The following NPHP3 variants were observed in gnomAD, a reference collection of about 807,000 sequenced individuals.
NPHP3 encodes nephrocystin-3.
Under a neutral mutation model 171.9 loss-of-function variants are expected in NPHP3, and 123 were observed. The observed-to-expected ratio is 0.72, with a 90% CI of 0.62 to 0.83. The LOEUF (loss-of-function observed/expected upper bound fraction) is 0.83, where lower values mean the gene tolerates loss of function less well. NPHP3 is among the 40% of genes least tolerant of loss of function. The pLI, the probability that NPHP3 is intolerant of heterozygous loss-of-function variation, is 0.00. For missense variants in NPHP3, 1,506 were observed against 1,591.9 expected (o/e 0.95, Z 0.92); for synonymous variants, 558 against 579.2 (o/e 0.96, Z 0.52).
rs2271490 is a variant in NPHP3, at chr3:132,691,370, T to C, written c.2476-84A>G. The C allele has an allele frequency of 0.12, 106,622 of 911,810 alleles. 6,790 individuals carry two copies. The highest frequency in any genetic ancestry group is 0.16 in the Middle Eastern group (735 of 4,670). The allele number at this position is 911,810 out of a possible 1,614,324, so 56.5% of individuals were successfully genotyped here. On this transcript the variant is annotated intron_variant, in intron 17 of 26. Transcript: ENST00000337331. ...CAAGAGATTTGCAAAAAAGAATTTA[T>C]AATTATTCCTATTTTATAGCTGTAT...
In NPHP3 at chr3:132,682,808, A is replaced by C; in HGVS notation, c.3707T>G (p.Val1236Gly). ...AVLYSQMKKHVEALPLYERAL... is the reference protein window; with the variant it reads ...AVLYSQMKKHGEALPLYERAL... ...TCTTTCATATAATGGCAAAGCTTCA[A>C]CGTGTTTTTTCTTATTAAAAAAAAT... The change falls in exon 26 of 27, where the codon GTT becomes GGT. Residue 1236 changes from valine (V) to glycine (G), a missense_variant. This residue lies in a region of NPHP3 where 569 missense variants were observed against 648.1 expected (regional missense o/e 0.88). Coordinates refer to ENST00000337331, the MANE Select transcript of NPHP3 (RefSeq NM_153240.5). 2 of 1,606,976 alleles carry C rather than the reference A, an allele frequency of 1.2e-6. No individual in the cohort carries two copies. The highest frequency in any genetic ancestry group is 1.7e-6 in the Non-Finnish European group (2 of 1,173,542).
chr3:132,719,749 C>T lies in NPHP3; in HGVS notation c.475G>A (p.Ala159Thr). 1 of 1,588,364 alleles carries T rather than the reference C, an allele frequency of 6.3e-7. No individual in the cohort carries two copies. Among genetic ancestry groups the T allele is most frequent in the South Asian group, 1.2e-5 (1 of 86,422 alleles). ...TTATCTCTGTCATGTTCAAATGTTGCTGCTCTCTCCATTGCTTGGTATTTC... is the reference window on the plus strand; with the variant it reads ...TTATCTCTGTCATGTTCAAATGTTGTTGCTCTCTCCATTGCTTGGTATTTC... ...EAKYQAMERA[A>T]TFEHDRDKVK... Residue 159 changes from alanine (A) to threonine (T), a missense_variant, in exon 2 of 27, where the codon GCA becomes ACA. Ala to Thr is a moderately conservative substitution (Grantham distance 58). Coordinates refer to ENST00000337331, the MANE Select transcript of NPHP3 (RefSeq NM_153240.5).
chr3:132,708,367 G>T, intron 6 of NPHP3, 110 bp from the exon 7 acceptor site: 1 of 1,047,104 alleles, frequency 9.6e-7, no homozygotes, highest in Non-Finnish European at 1.5e-6. Flanking sequence ...CAAGTGGCCA[G>T]AAAAGGTCCA....
In NPHP3 at chr3:132,698,254, C is replaced by T. The variant is rs547082763; in HGVS notation, c.1986-892G>A. ...TCGGCCTCCCAAAGTGTTGGGATTACAGGCATGAGCCACTGCGCCCAGCCA... is the reference window on the plus strand; with the variant it reads ...TCGGCCTCCCAAAGTGTTGGGATTATAGGCATGAGCCACTGCGCCCAGCCA... On this transcript the variant is annotated intron_variant, in intron 13 of 26. Coordinates refer to ENST00000337331, the MANE Select transcript of NPHP3 (RefSeq NM_153240.5). 2.6e-3 allele frequency among the ~76,000 whole-genome samples: 393 copies of T among 152,168 alleles called. 3 individuals carry two copies. Among genetic ancestry groups the T allele is most frequent in the African/African-American group, 8.9e-3 (371 of 41,488 alleles).
rs780534257 is a variant in NPHP3, at chr3:132,686,383, C to G, written c.3206G>C (p.Gly1069Ala). 1.9e-6 allele frequency: 3 copies of G among 1,613,896 alleles called. No homozygotes were observed. Among genetic ancestry groups the G allele is most frequent in the Non-Finnish European group, 2.5e-6 (3 of 1,179,978 alleles). ...KAIKKKGNLY[G>A]FALLRRRALQ... Reference sequence around the variant, plus strand: ...AGCCCGTCTACGTAAAAGGGCAAATCCGTACTGCAGCAAACATGAAAAATG... The same window carrying G: ...AGCCCGTCTACGTAAAAGGGCAAATGCGTACTGCAGCAAACATGAAAAATG... Residue 1069 changes from glycine (G) to alanine (A), a missense_variant, in exon 23 of 27, where the codon GGA (glycine) becomes GCA (alanine). Physicochemically the swap from Gly to Ala is moderately conservative, Grantham distance 60. Transcript: ENST00000337331.
intron 24 of NPHP3, among the ~76,000 whole-genome samples, chr3:132,683,764 T>C (rs1939090822): frequency 6.6e-6 from 1 of 152,228 alleles, no homozygotes; most frequent in South Asian, 2.1e-4. Flanking sequence ...TATTACTGTT[T>C]CTAGTGTAGT....
At chr3:132,700,142 A>C in intron 11 of NPHP3, 81 bp from the exon 12 acceptor site, 2 of 1,528,178 alleles carry the variant, frequency 1.3e-6, no homozygotes, top group South Asian at 2.3e-5. Context: ...AAATATTTCT[A>C]TTCTTACTTT....
intron 8 of NPHP3, among the ~76,000 whole-genome samples, chr3:132,704,719 C>T (rs796205847): frequency 9.9e-5 from 15 of 152,032 alleles, no homozygotes; most frequent in African/African-American, 3.6e-4. Flanking sequence ...AGGAAATATG[C>T]TATAAGAATT....
intron 5 of NPHP3, among the ~76,000 whole-genome samples, chr3:132,713,589 G>C (rs1423941430): frequency 1.3e-5 from 2 of 151,996 alleles, no homozygotes; most frequent in Non-Finnish European, 2.9e-5. Context: ...GTTTCTTTTT[G>C]TTATTATTAC....
At position 132,684,407 on chromosome 3, in the gene NPHP3, G is replaced by A. The variant is rs546867921; in HGVS notation, c.3570+147C>T. ...TAAAATAATTATTTTTAAATGTTCT[G>A]CTCAGTTACTTGTTAAAAGTTAAAT... On this transcript the variant is annotated intron_variant, in intron 24 of 26. Transcript: ENST00000337331. 23 of 715,324 alleles carry A rather than the reference G, an allele frequency of 3.2e-5. No individual in the cohort carries two copies. In the South Asian group the frequency reaches 3.6e-4, roughly 11 times the overall value. 44.3% of individuals were successfully genotyped at this position (715,324 alleles called of 1,614,324 possible). A position where few individuals can be genotyped will look rare whatever the true frequency, so the allele number is the denominator to read the frequency against.
intron 8 of NPHP3, among the ~76,000 whole-genome samples, chr3:132,704,817 TCAAGC>T (rs944387454): frequency 8.5e-5 from 13 of 152,234 alleles, no homozygotes; most frequent in Non-Finnish European, 1.6e-4. Flanking sequence ...ATGTTATCCT[TCAAGC>T]ACTAATGATG....
At chr3:132,702,139 A>G (rs1444369987) in intron 9 of NPHP3, among the ~76,000 whole-genome samples, 2 of 152,214 alleles carry the variant, frequency 1.3e-5, no homozygotes, top group African/African-American at 4.8e-5. Flanking sequence ...GGGGTTTTGC[A>G]ACACTCAAAT....
intron 4 of NPHP3, 62 bp from the exon 5 acceptor site, chr3:132,715,280 A>T: frequency 6.9e-7 from 1 of 1,439,620 alleles, no homozygotes; most frequent in Non-Finnish European, 9.8e-7. Context: ...TCATTCTAAA[A>T]AAGTTTTAAA....
intron 6 of NPHP3, among the ~76,000 whole-genome samples, chr3:132,710,617 T>G (rs1383903738): frequency 2.0e-5 from 3 of 152,106 alleles, no homozygotes; most frequent in Non-Finnish European, 4.4e-5. Flanking sequence ...AGCAAAGAAT[T>G]CCTCATTTTT....
rs749602646 is a variant in NPHP3 at position 132,700,387 on chromosome 3, G to A, written c.1690C>T (p.Pro564Ser). 3.7e-6 allele frequency: 6 copies of A among 1,613,418 alleles called. No individual in the cohort carries two copies. Among genetic ancestry groups the A allele is most frequent in the African/African-American group, 1.3e-5 (1 of 74,908 alleles). Residue 564 changes from proline to serine, a missense_variant, in exon 11 of 27, where the codon CCC becomes TCC. Physicochemically the swap from Pro to Ser is moderately conservative, Grantham distance 74 (BLOSUM62 -1). Around this residue, in one of 3 missense-constraint regions of NPHP3, gnomAD observed 930 missense variants for 924.9 expected, o/e 1.01. Coordinates refer to ENST00000337331, the MANE Select transcript of NPHP3 (RefSeq NM_153240.5). ...GAGGACTCTGAGCTGGTTGACATGGGCCTTCCCACAAAATGGGAAAGAATC... is the reference window on the plus strand; with the variant it reads ...GAGGACTCTGAGCTGGTTGACATGGACCTTCCCACAAAATGGGAAAGAATC... Reference protein sequence around the residue: ...TLILSHFVGRPMSTSSESSLI... With the variant: ...TLILSHFVGRSMSTSSESSLI...
intron 23 of NPHP3, 80 bp from the exon 24 acceptor site, chr3:132,684,874 C>A: frequency 6.7e-7 from 1 of 1,486,492 alleles, no homozygotes; most frequent in Non-Finnish European, 9.3e-7. Context: ...AAGTGGAGAA[C>A]TGACTCATCT....
intron 16 of NPHP3, 110 bp from the exon 17 acceptor site, chr3:132,692,928 T>C (rs1939337098): frequency 3.6e-6 from 3 of 837,436 alleles, no homozygotes; most frequent in Non-Finnish European, 5.9e-6. Context: ...CCAAAACTTA[T>C]AATTCAAATG....
intron 25 of NPHP3, 70 bp from the exon 26 acceptor site, chr3:132,682,888 A>G (rs1047883749): frequency 4.7e-5 from 44 of 937,408 alleles, no homozygotes; most frequent in Non-Finnish European, 7.1e-5. Context: ...GACTAAGCTA[A>G]CCTACTTTGA....
intron 8 of NPHP3, 45 bp downstream of exon 8, chr3:132,705,695 T>C: frequency 3.0e-6 from 3 of 1,015,238 alleles, no homozygotes; most frequent in Non-Finnish European, 4.6e-6. Context: ...TAGAAAGTGA[T>C]CTTAAAATAT....
Sources: gnomAD v4.1 joint callset for allele counts (sites outside exome capture counted in the v4.1 genomes callset) on GRCh38, gnomAD v4.1.1 for gene constraint, gnomAD v4.1.1 regional missense constraint, MANE v1.5 for transcripts, NCBI Gene and HGNC (gene_info 2026-07-23, HGNC 2026-07-21) for gene names.